PSIP1: variants seen among roughly 807,000 people sequenced by gnomAD.
PSIP1 encodes PC4 and SFRS1-interacting protein.
Under a neutral mutation model 74.7 loss-of-function variants are expected in PSIP1, and 19 were observed. That is an observed-to-expected ratio of 0.25 (90% CI 0.18 to 0.37). PSIP1 has a LOEUF of 0.37. PSIP1 is among the 10% of genes least tolerant of loss of function. The probability of loss-of-function intolerance (pLI) is 1.00; values close to 1 mark genes in which losing one functional copy is unlikely to be tolerated. For synonymous variants in PSIP1, 222 were observed against 195.3 expected (o/e 1.14, Z -1.14); for missense variants, 601 against 614.3 (o/e 0.98, Z 0.23).
intron 3 of PSIP1, chr9:15,505,940 G>A (rs1026978174): frequency 6.6e-6 from 1 of 152,176 alleles, no homozygotes; most frequent in East Asian, 1.9e-4. Context: ...AGATTATATA[G>A]TATTTCTAAG....
chr9:15,509,967 G>A (rs2037777976), intron 2 of PSIP1, 150 bp downstream of exon 2: 7 of 659,160 alleles, frequency 1.1e-5, no homozygotes, highest in South Asian at 3.2e-5. Context: ...GGAGATTATT[G>A]GGCAAAAAAC....
intron 3 of PSIP1, among the ~76,000 whole-genome samples, chr9:15,491,284 C>CA (rs151275038): frequency 0.036 from 5,527 of 151,854 alleles, 316 homozygotes; most frequent in African/African-American, 0.12. Flanking sequence ...CCAACAAAAG[C>CA]AAAAAAATGC....
Position 15,506,675 on chromosome 9 carries a change from C to A in PSIP1, c.73-38G>T. ...TGAGAAAAATTAAAATATTTTAAAT[C>A]ATACACACCTCAACATTTATCTGAA... On this transcript the variant is annotated intron_variant, in intron 2 of 15. Transcript: ENST00000380733. 3 of 1,416,490 alleles carry A rather than the reference C, an allele frequency of 2.1e-6. No individual in the cohort carries two copies. In the South Asian group the frequency reaches 3.5e-5, roughly 16 times the overall value. 87.7% of individuals were successfully genotyped at this position (1,416,490 alleles called of 1,614,324 possible).
In PSIP1 at chr9:15,503,608, A is replaced by C. The variant is rs569111118; in HGVS notation, c.149+2953T>G. 4.6e-5 allele frequency among the ~76,000 whole-genome samples: 7 copies of C among 152,030 alleles called. No homozygotes were observed. The East Asian group carries it at 9.7e-4, about 21-fold the overall frequency. ...GCCCAGGAGTTCAAGGATGCAGTCA[A>C]CTATGATCGCCGCTGTGTTCCATCC... On this transcript the variant is annotated intron_variant, in intron 3 of 15. Coordinates refer to ENST00000380733, the MANE Select transcript of PSIP1 (RefSeq NM_033222.5).
intron 3 of PSIP1, among the ~76,000 whole-genome samples, chr9:15,492,427 T>G (rs2036874173): frequency 6.6e-6 from 1 of 152,222 alleles, no homozygotes. Context: ...ATCATGCAAA[T>G]GCAAGAGGTG....
At chr9:15,509,657 A>AT (rs906905014) in intron 2 of PSIP1, among the ~76,000 whole-genome samples, 13 of 152,208 alleles carry the variant, frequency 8.5e-5, no homozygotes, top group East Asian at 7.7e-4. Flanking sequence ...AGTACAAGGT[A>AT]TTTTTTTTAA....
chr9:15,482,375 T>C (rs2036373882), intron 6 of PSIP1, among the ~76,000 whole-genome samples: 1 of 152,134 alleles, frequency 6.6e-6, no homozygotes, highest in South Asian at 2.1e-4. Flanking sequence ...TCAGGCCTCC[T>C]CCTCCCACCA....
At chr9:15,500,984 T>C (rs2037316235) in intron 3 of PSIP1, among the ~76,000 whole-genome samples, 1 of 152,182 alleles carries the variant, frequency 6.6e-6, no homozygotes, top group Admixed American at 6.5e-5. Context: ...AAATAAAAGT[T>C]TGCCAAAGCT....
intron 3 of PSIP1, among the ~76,000 whole-genome samples, chr9:15,499,003 G>T (rs983853151): frequency 5.3e-5 from 8 of 151,988 alleles, no homozygotes; most frequent in African/African-American, 1.9e-4. Context: ...ATTTTAACAA[G>T]AAAAGATACA....
intron 6 of PSIP1, among the ~76,000 whole-genome samples, chr9:15,481,366 T>A (rs1482222610): frequency 6.6e-6 from 1 of 152,258 alleles, no homozygotes; most frequent in African/African-American, 2.4e-5. Flanking sequence ...TTACACTTTC[T>A]GCTTTTGGAA....
intron 15 of PSIP1, among the ~76,000 whole-genome samples, chr9:15,466,294 G>T (rs1384132970): frequency 2.0e-5 from 3 of 152,154 alleles, no homozygotes; most frequent in Admixed American, 6.5e-5. Flanking sequence ...CAGGAGAATC[G>T]CTTGAACCCA....
At position 15,496,807 on chromosome 9, in the gene PSIP1, C is replaced by CT. The variant is rs139597624; in HGVS notation, c.150-6684dup. Among the ~76,000 whole-genome samples, 1,520 of 152,124 alleles carry CT rather than the reference C, an allele frequency of 1.0e-2. 20 individuals are homozygous for CT. Among genetic ancestry groups the CT allele is most frequent in the African/African-American group, 0.035 (1,437 of 41,510 alleles). On this transcript the variant is annotated intron_variant, in intron 3 of 15. Coordinates refer to ENST00000380733, the MANE Select transcript of PSIP1 (RefSeq NM_033222.5). ...TACAGAAGATTTTTAAATTCGCACA[C>CT]TTTTTTTTAGTTCACATAATTCAAC...
chr9:15,491,859 G>C (rs2036846592), intron 3 of PSIP1: 1 of 152,602 alleles, frequency 6.6e-6, no homozygotes. Context: ...CAGGGCCACA[G>C]GAGAGAATGC....
chr9:15,498,797 G>T (rs2037201845), intron 3 of PSIP1, among the ~76,000 whole-genome samples: 1 of 151,962 alleles, frequency 6.6e-6, no homozygotes, highest in Non-Finnish European at 1.5e-5. Context: ...ATTCTTCAAG[G>T]CATTCCACTT....
chr9:15,493,288 T>C (rs1009302562), intron 3 of PSIP1, among the ~76,000 whole-genome samples: 5 of 152,052 alleles, frequency 3.3e-5, no homozygotes, highest in African/African-American at 1.2e-4. Flanking sequence ...AGAGCAAGAG[T>C]GATCTTTACT....
chr9:15,472,564 C>T (rs1219205366), intron 10 of PSIP1, 68 bp downstream of exon 10: 2 of 1,525,936 alleles, frequency 1.3e-6, no homozygotes, highest in Non-Finnish European at 1.7e-6. Context: ...AAATGAAAGT[C>T]TATTATTTAA....
At chr9:15,475,971 T>C (rs1053590661) in intron 8 of PSIP1, among the ~76,000 whole-genome samples, 5 of 152,190 alleles carry the variant, frequency 3.3e-5, no homozygotes, top group Non-Finnish European at 7.3e-5. Flanking sequence ...GATTATGAGT[T>C]GGTTTTTAGC....
intron 2 of PSIP1, among the ~76,000 whole-genome samples, chr9:15,507,891 G>A (rs753528789): frequency 5.3e-5 from 8 of 152,058 alleles, no homozygotes; most frequent in African/African-American, 9.7e-5. Flanking sequence ...TATCTCTAGG[G>A]ACCTATTTCC....
At chr9:15,484,733 AAAAC>A (rs2036484684) in intron 6 of PSIP1, among the ~76,000 whole-genome samples, 1 of 151,212 alleles carries the variant, frequency 6.6e-6, no homozygotes. Flanking sequence ...TCTCAAAACA[AAAAC>A]AAAAACAAAA....
Sources: gnomAD v4.1 joint callset for allele counts (sites outside exome capture counted in the v4.1 genomes callset) on GRCh38, gnomAD v4.1.1 for gene constraint, MANE v1.5 for transcripts, NCBI Gene and HGNC (gene_info 2026-07-23, HGNC 2026-07-21) for gene names.